The following PARD3B variants were observed in gnomAD, a reference collection of about 807,000 sequenced individuals.
The protein encoded by PARD3B is par-3 family cell polarity regulator beta.
Under a neutral mutation model 130.2 loss-of-function variants are expected in PARD3B, and 103 were observed. The observed-to-expected ratio is 0.79, with a 90% CI of 0.67 to 0.93. The LOEUF is 0.93. Among genes scored for constraint, PARD3B ranks in the 40% least tolerant of loss-of-function variants. The pLI is 0.00. For missense variants in PARD3B, 1,609 were observed against 1,499.2 expected, an observed-to-expected ratio of 1.07 and a Z score of -1.21; for synonymous variants, 583 against 553.2, an observed-to-expected ratio of 1.05 and a Z score of -0.76.
chr2:204,685,330 G>C (rs2037023911), intron 1 of PARD3B, among the ~76,000 whole-genome samples: 1 of 152,078 alleles, frequency 6.6e-6, no homozygotes, highest in Non-Finnish European at 1.5e-5. Flanking sequence ...GGGGATTATG[G>C]TAAAACCTTA....
At chr2:205,025,295 T>C (rs1696931349) in intron 3 of PARD3B, among the ~76,000 whole-genome samples, 1 of 152,126 alleles carries the variant, frequency 6.6e-6, no homozygotes, top group South Asian at 2.1e-4. Context: ...ACAGCAACCG[T>C]TAGATGGGCT....
chr2:205,386,865 T>A (rs1202192059), intron 18 of PARD3B, among the ~76,000 whole-genome samples: 1 of 152,058 alleles, frequency 6.6e-6, no homozygotes, highest in African/African-American at 2.4e-5. Context: ...ATAAACATGA[T>A]CTCACAGATC....
intron 2 of PARD3B, among the ~76,000 whole-genome samples, chr2:204,885,324 TG>T (rs1308189195): frequency 6.6e-6 from 1 of 152,230 alleles, no homozygotes; most frequent in Admixed American, 6.5e-5. Flanking sequence ...TTAATGGGGT[TG>T]TTTTTTTCTT....
At chr2:205,307,446 T>C (rs981576379) in intron 18 of PARD3B, among the ~76,000 whole-genome samples, 5 of 152,198 alleles carry the variant, frequency 3.3e-5, no homozygotes, top group African/African-American at 7.2e-5. Context: ...ACCAATTTTG[T>C]AGTTTCTCTG....
At chr2:205,326,479 C>T (rs1232563021) in intron 18 of PARD3B, among the ~76,000 whole-genome samples, 1 of 152,070 alleles carries the variant, frequency 6.6e-6, no homozygotes, top group East Asian at 1.9e-4. Context: ...GAGGAGATGA[C>T]CAAGTCAGGC....
rs941844489 is a variant in PARD3B at position 204,680,086 on chromosome 2, TGA to T, written c.121-6090_121-6089del. The stretch of plus-strand genomic sequence containing the variant: ...TTATGCTATCTTTTTTAAAAAAAGC[TGA>T]GAGAATTTTTCTCTTTTTCTAGTCT... On this transcript the variant is annotated intron_variant, in intron 1 of 22. Coordinates refer to ENST00000406610, the MANE Select transcript of PARD3B (RefSeq NM_001302769.2). Among the ~76,000 whole-genome samples the T allele has an allele frequency of 8.1e-4, 124 of 152,196 alleles. 1 individual carries two copies. Among genetic ancestry groups the T allele is most frequent in the African/African-American group, 2.9e-3 (120 of 41,576 alleles).
chr2:204,647,288 CTGT>C (rs1235230906), intron 1 of PARD3B, among the ~76,000 whole-genome samples: 1 of 151,584 alleles, frequency 6.6e-6, no homozygotes, highest in East Asian at 1.9e-4. Context: ...ATTGGGTTGT[CTGT>C]TGTTCATTTT....
At chr2:204,817,918 CT>C (rs934292813) in intron 2 of PARD3B, among the ~76,000 whole-genome samples, 89 of 152,112 alleles carry the variant, frequency 5.9e-4, no homozygotes, top group African/African-American at 2.0e-3. Context: ...GTGGAAAAAA[CT>C]TTTTTTCAGG....
chr2:205,109,650 C>CTTTTTTTTTTTT (rs35545106), intron 5 of PARD3B, among the ~76,000 whole-genome samples: 1 of 69,316 alleles, frequency 1.4e-5, no homozygotes, highest in Non-Finnish European at 2.8e-5. Flanking sequence ...AATACCTAAT[C>CTTTTTTTTTTTT]TTTTTTTTTT....
At chr2:205,314,016 A>G (rs547001479) in intron 18 of PARD3B, among the ~76,000 whole-genome samples, 1 of 152,354 alleles carries the variant, frequency 6.6e-6, no homozygotes, top group African/African-American at 2.4e-5. Flanking sequence ...ATATACATGT[A>G]AACATTCCTG....
intron 10 of PARD3B, among the ~76,000 whole-genome samples, chr2:205,157,944 A>G (rs1576000640): frequency 6.6e-6 from 1 of 152,204 alleles, no homozygotes; most frequent in African/African-American, 2.4e-5. Flanking sequence ...AACCCTAAAT[A>G]TGCCTTTTTC....
chr2:205,576,550 C>G (rs190845757), intron 22 of PARD3B, among the ~76,000 whole-genome samples: 1 of 152,236 alleles, frequency 6.6e-6, no homozygotes, highest in East Asian at 1.9e-4. Context: ...GTTGAAAAGA[C>G]GATCTCTTCT....
At chr2:205,394,222 C>T (rs1227256930) in intron 18 of PARD3B, among the ~76,000 whole-genome samples, 1 of 152,114 alleles carries the variant, frequency 6.6e-6, no homozygotes, top group African/African-American at 2.4e-5. Context: ...TTAAGGAGGT[C>T]TGTGTGGGGG....
intron 1 of PARD3B, among the ~76,000 whole-genome samples, chr2:204,569,855 A>G (rs1574477755): frequency 1.3e-5 from 2 of 152,188 alleles, no homozygotes; most frequent in African/African-American, 4.8e-5. Flanking sequence ...TTCATTGCAC[A>G]TTGGGCCACT....
At chr2:205,404,754 A>G (rs2046363556) in intron 19 of PARD3B, among the ~76,000 whole-genome samples, 1 of 152,036 alleles carries the variant, frequency 6.6e-6, no homozygotes, top group Non-Finnish European at 1.5e-5. Flanking sequence ...AGCTCAAGTG[A>G]TCCTCCTGCC....
At position 205,146,629 on chromosome 2, in the gene PARD3B, C is replaced by A. The variant is rs888087897; in HGVS notation, c.1435-12093C>A. Among the ~76,000 whole-genome samples the A allele has an allele frequency of 2.6e-4, 40 of 151,528 alleles. No individual in the cohort carries two copies. Among genetic ancestry groups the A allele is most frequent in the Non-Finnish European group, 8.8e-5 (6 of 67,924 alleles). On this transcript the variant is annotated intron_variant, in intron 10 of 22. Transcript: ENST00000406610. This position sits in a 1 kb window ranked among gnomAD's most constrained non-coding sequence, Gnocchi z 4.3. ...TAGCGCCACTGCACTCCAGCCTGGG[C>A]GACAGAGCGAGACTCCGCCTCAAAA... is the stretch of plus-strand genomic sequence containing the variant.
chr2:205,507,430 G>T (rs2050416116), intron 21 of PARD3B, among the ~76,000 whole-genome samples: 1 of 151,830 alleles, frequency 6.6e-6, no homozygotes, highest in Non-Finnish European at 1.5e-5. Context: ...TAGCCAGAAT[G>T]GTCTCGATCT....
At chr2:205,442,089 C>T (rs569610579) in intron 20 of PARD3B, among the ~76,000 whole-genome samples, 9 of 152,214 alleles carry the variant, frequency 5.9e-5, no homozygotes, top group Non-Finnish European at 8.8e-5. Context: ...TTAGATAGGT[C>T]TTCATAACAA....
Position 204,851,929 on chromosome 2 carries a change from G to A in PARD3B, c.223-113223G>A, listed in dbSNP as rs185628042. ...GCTGGTCTCAAACTGCTGACCTCAGGTGACCTGCCTGCCTCAGCCTCCCAA... is the reference window on the plus strand; with the variant it reads ...GCTGGTCTCAAACTGCTGACCTCAGATGACCTGCCTGCCTCAGCCTCCCAA... On this transcript the variant is annotated intron_variant, in intron 2 of 22. Coordinates refer to ENST00000406610, the MANE Select transcript of PARD3B (RefSeq NM_001302769.2). Among the ~76,000 whole-genome samples the A allele has an allele frequency of 1.1e-4, 16 of 152,254 alleles. 1 individual carries two copies. In the East Asian group the frequency reaches 3.1e-3, roughly 29 times the overall value.
Sources: allele counts gnomAD v4.1 joint callset (sites outside exome capture counted in the v4.1 genomes callset), GRCh38; gene constraint gnomAD v4.1.1; non-coding constraint Gnocchi (gnomAD v3.1); transcripts MANE v1.5; gene names NCBI Gene and HGNC (gene_info 2026-07-23, HGNC 2026-07-21).